Variants in TYW1B observed in about 807,000 individuals in gnomAD.
TYW1B encodes tRNA-yW synthesizing protein 1 homolog B, also known as S-adenosyl-L-methionine-dependent tRNA 4-demethylwyosine synthase TYW1B.
Under a neutral mutation model 86.9 loss-of-function variants are expected in TYW1B, and 73 were observed. The ratio of observed to expected loss-of-function variants is 0.84; its 90% CI spans 0.70 to 1.02. The LOEUF (loss-of-function observed/expected upper bound fraction) is 1.02, where lower values mean the gene tolerates loss of function less well. Ranked by LOEUF, TYW1B falls within the 50% of genes least tolerant of loss-of-function variation. The pLI is 0.00. For missense variants in TYW1B, 637 were observed against 827.4 expected (o/e 0.77, Z 2.82); for synonymous variants, 248 against 292.8 (o/e 0.85, Z 1.56).
At chr7:72,695,171 T>C (rs1302622950) in intron 10 of TYW1B, among the ~76,000 whole-genome samples, 5 of 152,226 alleles carry the variant, frequency 3.3e-5, no homozygotes, top group African/African-American at 1.2e-4. Flanking sequence ...CTGATCTAAC[T>C]TTCCCACCCA....
intron 7 of TYW1B, among the ~76,000 whole-genome samples, chr7:72,761,490 C>G (rs1554467161): frequency 6.6e-6 from 1 of 151,382 alleles, no homozygotes; most frequent in Admixed American, 6.6e-5. Context: ...ACGAGGGAGG[C>G]TGAGGTAGAA....
intron 3 of TYW1B, among the ~76,000 whole-genome samples, chr7:72,813,171 C>CTTTT (rs782128548): frequency 3.3e-4 from 41 of 123,718 alleles, no homozygotes; most frequent in Non-Finnish European, 4.4e-4. Context: ...CATACTTCTT[C>CTTTT]TTTTTTTTTT....
chr7:72,700,436 G>A (rs1193325098), intron 10 of TYW1B, among the ~76,000 whole-genome samples: 4 of 152,024 alleles, frequency 2.6e-5, no homozygotes, highest in African/African-American at 9.7e-5. Flanking sequence ...GCCTCCCAAA[G>A]TGCTGGGATT....
At chr7:72,740,667 C>A (rs1787288014) in intron 8 of TYW1B, among the ~76,000 whole-genome samples, 1 of 151,664 alleles carries the variant, frequency 6.6e-6, no homozygotes, top group South Asian at 2.1e-4. Flanking sequence ...AAAAACAAAC[C>A]CTGAAGAGTG....
intron 2 of TYW1B, among the ~76,000 whole-genome samples, chr7:72,819,607 A>AT (rs1424148907): frequency 1.3e-5 from 2 of 152,014 alleles, no homozygotes. Flanking sequence ...TAATTTTTGA[A>AT]TTTTTTGTAG....
At chr7:72,627,394 G>C (rs1195048799) in intron 12 of TYW1B, among the ~76,000 whole-genome samples, 1 of 151,912 alleles carries the variant, frequency 6.6e-6, no homozygotes, top group South Asian at 2.1e-4. Flanking sequence ...GTTTCAGTGA[G>C]CCGAGATCAC....
At chr7:72,595,486 C>T (rs1811509854) in intron 13 of TYW1B, among the ~76,000 whole-genome samples, 4 of 152,054 alleles carry the variant, frequency 2.6e-5, no homozygotes, top group Admixed American at 2.0e-4. Flanking sequence ...GAGTTTGAGG[C>T]AAGTCTGGTC....
chr7:72,824,694 T>G (rs1406214043), intron 2 of TYW1B, among the ~76,000 whole-genome samples: 1 of 151,242 alleles, frequency 6.6e-6, no homozygotes, highest in African/African-American at 2.4e-5. Context: ...TGAGCCGAGA[T>G]CACACCACTG....
intron 4 of TYW1B, among the ~76,000 whole-genome samples, 194 bp downstream of exon 4, chr7:72,810,277 C>T (rs1788580753): frequency 6.6e-6 from 1 of 152,106 alleles, no homozygotes; most frequent in East Asian, 1.9e-4. Flanking sequence ...AACTCTATCT[C>T]AATCAATCAA....
At chr7:72,646,052 C>T (rs1426499060) in intron 11 of TYW1B, among the ~76,000 whole-genome samples, 1 of 146,554 alleles carries the variant, frequency 6.8e-6, no homozygotes, top group East Asian at 2.0e-4. Context: ...AAAGTCTTTT[C>T]GTTTGTTTTT....
intron 11 of TYW1B, among the ~76,000 whole-genome samples, chr7:72,664,411 G>C (rs1554444935): frequency 2.6e-5 from 4 of 151,874 alleles, no homozygotes; most frequent in Non-Finnish European, 4.4e-5. Context: ...TCTCCCCTTT[G>C]TCCTTATAAG....
intron 8 of TYW1B, among the ~76,000 whole-genome samples, chr7:72,732,416 T>A (rs1242821898): frequency 6.6e-5 from 10 of 152,190 alleles, no homozygotes; most frequent in Non-Finnish European, 1.2e-4. Flanking sequence ...TCCTATCAAG[T>A]ATGTTTTTGG....
At chr7:72,806,472 G>A (rs1294479859) in intron 5 of TYW1B, among the ~76,000 whole-genome samples, 2 of 152,068 alleles carry the variant, frequency 1.3e-5, no homozygotes. Flanking sequence ...TTGACTTCAA[G>A]TGATCCACCC....
chr7:72,730,165 A>G (rs1317198374), intron 8 of TYW1B, among the ~76,000 whole-genome samples: 1 of 152,106 alleles, frequency 6.6e-6, no homozygotes, highest in African/African-American at 2.4e-5. Flanking sequence ...GTAAAAAACA[A>G]AAACATGAAC....
At chr7:72,621,848 T>TAA (rs1392097941) in intron 12 of TYW1B, among the ~76,000 whole-genome samples, 3 of 152,222 alleles carry the variant, frequency 2.0e-5, no homozygotes, top group African/African-American at 7.2e-5. Context: ...AACCAGCTGA[T>TAA]AAACGCTGGT....
chr7:72,812,704 T>C (rs1164099694), intron 3 of TYW1B, among the ~76,000 whole-genome samples: 1 of 150,916 alleles, frequency 6.6e-6, no homozygotes, highest in Non-Finnish European at 1.5e-5. Flanking sequence ...TTTTGGGGTT[T>C]TTTTTTTTTT....
At chr7:72,699,322 T>C (rs1175391809) in intron 10 of TYW1B, among the ~76,000 whole-genome samples, 2 of 152,100 alleles carry the variant, frequency 1.3e-5, no homozygotes, top group Non-Finnish European at 2.9e-5. Flanking sequence ...GCAAATGGAA[T>C]TGGGGGATGC....
chr7:72,730,814 G>C (rs1390524317), intron 8 of TYW1B, among the ~76,000 whole-genome samples: 1 of 150,606 alleles, frequency 6.6e-6, no homozygotes. Flanking sequence ...GGTGGGAAAA[G>C]ACATGGAAAA....
At chr7:72,673,810 T>C (rs1470662494) in intron 11 of TYW1B, among the ~76,000 whole-genome samples, 3 of 152,196 alleles carry the variant, frequency 2.0e-5, no homozygotes, top group Admixed American at 1.3e-4. Flanking sequence ...TACCACATTT[T>C]CTATCACGTA....
Sources: gnomAD v4.1 joint callset for allele counts (sites outside exome capture counted in the v4.1 genomes callset) on GRCh38, gnomAD v4.1.1 for gene constraint, MANE v1.5 for transcripts, NCBI Gene and HGNC (gene_info 2026-07-23, HGNC 2026-07-21) for gene names.